TTC1: variants seen among roughly 807,000 people sequenced by gnomAD.
The protein encoded by TTC1 is tetratricopeptide repeat protein 1.
Under a neutral mutation model 37.6 loss-of-function variants are expected in TTC1, and 31 were observed. The ratio of observed to expected loss-of-function variants is 0.82; its 90% CI spans 0.62 to 1.11. The LOEUF is 1.11. TTC1 is among the 50% of genes most tolerant of loss of function. The probability of loss-of-function intolerance (pLI) is 0.00; values close to 1 mark genes in which losing one functional copy is unlikely to be tolerated. For missense variants in TTC1, 351 were observed against 339.0 expected (o/e 1.04, Z -0.28); for synonymous variants, 127 against 122.4 (o/e 1.04, Z -0.25).
Position 160,051,142 on chromosome 5 carries a change from A to G in TTC1, c.704A>G (p.Gln235Arg). Residue 235 changes from glutamine to arginine, a missense_variant, in exon 7 of 8, where the codon CAA becomes CGA. Gln to Arg is a conservative substitution (Grantham distance 43). Coordinates refer to ENST00000231238, the MANE Select transcript of TTC1 (RefSeq NM_003314.3). ...AREACMRLPKQIEERNERLKE... is the reference protein window; with the variant it reads ...AREACMRLPKRIEERNERLKE... ...TCTTTTCCTCAGAGATTACCTAAGC[A>G]AATTGAAGAACGTAATGAAAGACTA... 4 of 1,609,804 alleles carry G rather than the reference A, an allele frequency of 2.5e-6. No homozygotes were observed. The highest frequency in any genetic ancestry group is 3.4e-6 in the Non-Finnish European group (4 of 1,177,970).
intron 2 of TTC1, chr5:160,023,803 G>T: frequency 6.2e-7 from 1 of 1,613,472 alleles, no homozygotes; most frequent in South Asian, 1.1e-5. Context: ...TTGCCCTCTT[G>T]CCTGTATCAT....
intron 7 of TTC1, among the ~76,000 whole-genome samples, chr5:160,060,682 ACT>A (rs1229150884): frequency 6.6e-6 from 1 of 152,124 alleles, no homozygotes; most frequent in African/African-American, 2.4e-5. Context: ...ACCCAACCTG[ACT>A]CTAAACAGCA....
intron 2 of TTC1, chr5:160,024,171 C>G (rs1455200501): frequency 7.1e-6 from 4 of 562,378 alleles, no homozygotes; most frequent in Non-Finnish European, 9.5e-6. Context: ...ACTCTCATTA[C>G]TGAGGTAGGG....
At chr5:160,036,549 G>A (rs2271944) in intron 3 of TTC1, 142 bp from the exon 4 acceptor site, 19 of 603,944 alleles carry the variant, frequency 3.1e-5, no homozygotes, top group African/African-American at 9.3e-5. Context: ...TTTTTACTGC[G>A]CCAGACTTAA....
intron 2 of TTC1, among the ~76,000 whole-genome samples, chr5:160,012,627 C>T (rs1756522295): frequency 6.6e-6 from 1 of 152,118 alleles, no homozygotes; most frequent in Admixed American, 6.5e-5. Flanking sequence ...CTTTGGCCTC[C>T]CAAAGTGCTG....
intron 4 of TTC1, among the ~76,000 whole-genome samples, chr5:160,039,423 C>T (rs375440832): frequency 2.6e-5 from 4 of 151,152 alleles, no homozygotes; most frequent in South Asian, 2.1e-4. Flanking sequence ...AGATAGATAG[C>T]TACCTATATA....
intron 2 of TTC1, among the ~76,000 whole-genome samples, chr5:160,014,706 A>G (rs952917884): frequency 6.6e-5 from 10 of 152,142 alleles, no homozygotes; most frequent in Admixed American, 5.9e-4. Flanking sequence ...TTGTCTCAAA[A>G]TGAATAAATA....
chr5:160,061,751 TTATC>T (rs1178239320), intron 7 of TTC1: 1 of 152,180 alleles, frequency 6.6e-6, no homozygotes, highest in Admixed American at 6.5e-5. Context: ...AAAAGAATAA[TTATC>T]TATGTGTTAG....
At chr5:160,009,565 T>A (rs1756456491) in intron 1 of TTC1, among the ~76,000 whole-genome samples, 1 of 152,148 alleles carries the variant, frequency 6.6e-6, no homozygotes, top group Admixed American at 6.6e-5. Flanking sequence ...GGTTCGCAAT[T>A]GGCTGCATAT....
intron 3 of TTC1, 40 bp downstream of exon 3, chr5:160,035,240 C>T: frequency 6.6e-7 from 1 of 1,519,808 alleles, no homozygotes; most frequent in Non-Finnish European, 8.9e-7. Flanking sequence ...GTCATCTTGA[C>T]TCCTCATCCT....
intron 6 of TTC1, 143 bp from the exon 7 acceptor site, chr5:160,050,986 T>TA (rs1757387942): frequency 6.8e-6 from 4 of 588,568 alleles, no homozygotes; most frequent in Admixed American, 6.6e-5. Flanking sequence ...GGTTTTTTTT[T>TA]TTTATTTAAT....
At chr5:160,058,704 C>T (rs1757615478) in intron 7 of TTC1, among the ~76,000 whole-genome samples, 1 of 152,088 alleles carries the variant, frequency 6.6e-6, no homozygotes, top group Admixed American at 6.5e-5. Flanking sequence ...AGCCACCGCG[C>T]CTGGCCAATG....
intron 2 of TTC1, among the ~76,000 whole-genome samples, chr5:160,013,868 T>C (rs1285615666): frequency 6.6e-6 from 1 of 152,176 alleles, no homozygotes; most frequent in Non-Finnish European, 1.5e-5. Flanking sequence ...TAAATTGTTA[T>C]GTCACTTCAT....
chr5:160,058,653 C>G (rs1478126766), intron 7 of TTC1, among the ~76,000 whole-genome samples: 4 of 151,756 alleles, frequency 2.6e-5, no homozygotes, highest in Admixed American at 2.0e-4. Flanking sequence ...CCTCGTGATC[C>G]ACCCACCTCA....
chr5:160,028,652 T>C (rs1204621896), intron 2 of TTC1, among the ~76,000 whole-genome samples: 1 of 152,030 alleles, frequency 6.6e-6, no homozygotes, highest in Non-Finnish European at 1.5e-5. Context: ...TTTTTTGGCT[T>C]TTTGCTAGAA....
chr5:160,036,217 C>T (rs1055749959), intron 3 of TTC1, among the ~76,000 whole-genome samples: 4 of 152,138 alleles, frequency 2.6e-5, no homozygotes, highest in Non-Finnish European at 4.4e-5. Context: ...AAACATTTCA[C>T]GGATGCTGTT....
chr5:160,048,949 T>TA (rs34060683), intron 5 of TTC1, among the ~76,000 whole-genome samples: 3 of 149,946 alleles, frequency 2.0e-5, no homozygotes, highest in Non-Finnish European at 1.5e-5. Flanking sequence ...AGACTCCGTC[T>TA]AAAAAAAAAA....
chr5:160,013,905 G>T (rs2113340666), intron 2 of TTC1, among the ~76,000 whole-genome samples: 1 of 152,168 alleles, frequency 6.6e-6, no homozygotes, highest in Admixed American at 6.6e-5. Flanking sequence ...ATTTTTATGT[G>T]ACCATTTCTT....
intron 7 of TTC1, among the ~76,000 whole-genome samples, chr5:160,054,195 G>A (rs1190923180): frequency 6.6e-6 from 1 of 152,188 alleles, no homozygotes; most frequent in Non-Finnish European, 1.5e-5. Flanking sequence ...ATAGTGTGAT[G>A]AGATGGAAAT....
Sources: gnomAD v4.1 joint callset for allele counts (sites outside exome capture counted in the v4.1 genomes callset) on GRCh38, gnomAD v4.1.1 for gene constraint, MANE v1.5 for transcripts, NCBI Gene and HGNC (gene_info 2026-07-23, HGNC 2026-07-21) for gene names.